Variants in CFAP20DC observed in about 807,000 individuals in gnomAD.
CFAP20DC encodes the protein CFAP20 domain containing, also known as protein CFAP20DC.
CFAP20DC carries 84 observed loss-of-function variants against 101.7 expected under a neutral mutation model. The observed-to-expected ratio is 0.83, with a 90% CI of 0.69 to 0.99. The LOEUF is 0.99. Among genes scored for constraint, CFAP20DC ranks in the 50% least tolerant of loss-of-function variants. CFAP20DC has a pLI of 0.00. For missense variants in CFAP20DC, 1,007 were observed against 970.3 expected, an observed-to-expected ratio of 1.04 and a Z score of -0.50; for synonymous variants, 359 against 351.2, an observed-to-expected ratio of 1.02 and a Z score of -0.25.
At chr3:58,931,937 G>A (rs746984779) in intron 5 of CFAP20DC, among the ~76,000 whole-genome samples, 14 of 152,222 alleles carry the variant, frequency 9.2e-5, no homozygotes, top group Non-Finnish European at 1.6e-4. Context: ...TGACTTTGAC[G>A]AGTTGAGGAA....
intron 4 of CFAP20DC, 42 bp downstream of exon 4, chr3:59,039,515 C>T (rs1315309347): frequency 8.4e-7 from 1 of 1,195,456 alleles, no homozygotes; most frequent in East Asian, 2.6e-5. Context: ...GATCAAATGT[C>T]TAATACACAC....
chr3:58,806,942 A>G (rs1217933723), intron 14 of CFAP20DC, among the ~76,000 whole-genome samples: 1 of 152,122 alleles, frequency 6.6e-6, no homozygotes, highest in Non-Finnish European at 1.5e-5. Context: ...GAAGGGTCCT[A>G]CGCCCACGGA....
In CFAP20DC at chr3:58,849,164, C is replaced by T. The variant is rs6797698; in HGVS notation, c.1839G>A (p.Gly613=). 146,748 of 1,535,828 alleles carry T rather than the reference C, an allele frequency of 0.096. 13,947 individuals carry two copies. The highest frequency in any genetic ancestry group is 0.43 in the African/African-American group (31,189 of 72,998). ...CGGGCTCTGGAGTTTTCTGACAGGACCCACACCTTCTTCCAGTTGGAGAAA... is the reference window on the plus strand; with the variant it reads ...CGGGCTCTGGAGTTTTCTGACAGGATCCACACCTTCTTCCAGTTGGAGAAA... ...TCLSPTGRRC[G]SCQKTPEPVI... Residue 613 remains glycine (G), a synonymous_variant, in exon 13 of 17, where the codon GGG becomes GGA. Transcript: ENST00000482387.
intron 13 of CFAP20DC, among the ~76,000 whole-genome samples, chr3:58,842,214 C>A (rs953113605): frequency 4.9e-4 from 75 of 152,164 alleles, no homozygotes; most frequent in Admixed American, 1.1e-3. Context: ...GCGTGAGCGA[C>A]GCAGAAGACG....
At chr3:58,909,913 T>G (rs1395502393) in intron 6 of CFAP20DC, among the ~76,000 whole-genome samples, 1 of 152,078 alleles carries the variant, frequency 6.6e-6, no homozygotes, top group African/African-American at 2.4e-5. Flanking sequence ...GGCCCCAGTG[T>G]GTGTTGTTCC....
chr3:58,860,822 CT>C (rs1341914539), intron 12 of CFAP20DC, among the ~76,000 whole-genome samples: 1 of 152,094 alleles, frequency 6.6e-6, no homozygotes, highest in African/African-American at 2.4e-5. Context: ...ATTTTAATAG[CT>C]TTCCTAAAAA....
At chr3:58,726,723 T>C (rs959391328) in intron 3 of CFAP20DC, 13 of 209,326 alleles carry the variant, frequency 6.2e-5, no homozygotes, top group Non-Finnish European at 1.2e-4. Context: ...GAAGGACCCA[T>C]CACTTCCCTT....
Position 58,869,248 on chromosome 3 carries a change from A to G in CFAP20DC, c.1015+80T>C. The G allele has an allele frequency of 4.3e-6, 5 of 1,151,912 alleles. No homozygotes were observed. Among genetic ancestry groups the G allele is most frequent in the Non-Finnish European group, 6.1e-6 (5 of 817,350 alleles). 71.4% of individuals were successfully genotyped at this position (1,151,912 alleles called of 1,614,324 possible). ...CTAGACTTAAGATCTAGACTTGAAT[A>G]TAACTGCTGATTTATCTTAACAAGA... On this transcript the variant is annotated intron_variant, in intron 9 of 16. Transcript: ENST00000482387. This position sits in a 1 kb window ranked among gnomAD's most constrained non-coding sequence, Gnocchi z 4.3.
At chr3:58,761,219 C>T (rs7428234) in intron 15 of CFAP20DC, among the ~76,000 whole-genome samples, 13,747 of 151,994 alleles carry the variant, frequency 0.09, 1,042 homozygotes, top group East Asian at 0.35. Context: ...CAGAGCCTGT[C>T]ATTGGTCTAT....
At chr3:58,800,338 T>C (rs541507452) in intron 15 of CFAP20DC, among the ~76,000 whole-genome samples, 125 of 152,258 alleles carry the variant, frequency 8.2e-4, no homozygotes, top group South Asian at 5.0e-3. Flanking sequence ...AGAGGCTGGA[T>C]TTGGCATATA....
intron 14 of CFAP20DC, among the ~76,000 whole-genome samples, chr3:58,829,205 T>C (rs912699186): frequency 6.6e-6 from 1 of 151,334 alleles, no homozygotes. Context: ...TGGTGATGGG[T>C]GCCTGTAATC....
chr3:58,972,099 G>A (rs72883311), intron 4 of CFAP20DC, among the ~76,000 whole-genome samples: 5,666 of 152,060 alleles, frequency 0.037, 354 homozygotes, highest in African/African-American at 0.13. Flanking sequence ...ACAATATTTG[G>A]TTTTAATAAA....
intron 5 of CFAP20DC, among the ~76,000 whole-genome samples, chr3:58,922,525 G>A (rs150193646): frequency 6.6e-6 from 1 of 152,248 alleles, no homozygotes; most frequent in East Asian, 1.9e-4. Context: ...TAGTTCTCAT[G>A]AGAACTGGTT....
intron 15 of CFAP20DC, among the ~76,000 whole-genome samples, chr3:58,790,900 C>A (rs6804375): frequency 0.04 from 6,152 of 152,094 alleles, 188 homozygotes; most frequent in Non-Finnish European, 0.065. Flanking sequence ...AACAGAGCAA[C>A]CCAGAAGTGA....
intron 4 of CFAP20DC, among the ~76,000 whole-genome samples, chr3:59,035,493 A>G (rs1378691389): frequency 6.6e-6 from 1 of 152,194 alleles, no homozygotes; most frequent in Non-Finnish European, 1.5e-5. Flanking sequence ...AGACACAATA[A>G]AAAAGGATAA....
downstream of CFAP20DC, among the ~76,000 whole-genome samples, chr3:58,716,894 A>T (rs1372792824): frequency 6.6e-6 from 1 of 152,164 alleles, no homozygotes; most frequent in Non-Finnish European, 1.5e-5. Flanking sequence ...AAATCCAAAT[A>T]GGCCCACTAG....
In CFAP20DC at chr3:58,989,189, AG is replaced by A. The variant is rs200177749; in HGVS notation, c.278+50367del. 8.3e-3 allele frequency among the ~76,000 whole-genome samples: 1,263 copies of A among 152,194 alleles called. 16 individuals carry two copies. The highest frequency in any genetic ancestry group is 8.5e-3 in the Non-Finnish European group (580 of 67,940). On this transcript the variant is annotated intron_variant, in intron 4 of 16. Transcript: ENST00000482387. ...ATTTACTCTTACTGTTACTAAAATT[AG>A]GACTAGTTGAAAAATCCAGATGATG...
At chr3:58,891,173 G>A (rs1001868647) in intron 6 of CFAP20DC, among the ~76,000 whole-genome samples, 2 of 152,022 alleles carry the variant, frequency 1.3e-5, no homozygotes, top group South Asian at 2.1e-4. Context: ...CTGCAATCCC[G>A]GCACCTTGGG....
chr3:58,988,756 T>C (rs2092833529), intron 4 of CFAP20DC, among the ~76,000 whole-genome samples: 1 of 152,192 alleles, frequency 6.6e-6, no homozygotes, highest in Non-Finnish European at 1.5e-5. Flanking sequence ...TTATTACTTC[T>C]AAATTTTCTT....
Sources: allele counts gnomAD v4.1 joint callset (sites outside exome capture counted in the v4.1 genomes callset), GRCh38; gene constraint gnomAD v4.1.1; non-coding constraint Gnocchi (gnomAD v3.1); transcripts MANE v1.5; gene names NCBI Gene and HGNC (gene_info 2026-07-23, HGNC 2026-07-21).